The following SBF2 variants were observed in gnomAD, a reference collection of about 807,000 sequenced individuals.
SBF2 encodes the protein myotubularin-related protein 13.
SBF2 carries 112 observed loss-of-function variants against 225.2 expected under a neutral mutation model. The ratio of observed to expected loss-of-function variants is 0.50; its 90% CI spans 0.43 to 0.58. SBF2 has a LOEUF of 0.58. Among genes scored for constraint, SBF2 ranks in the 20% least tolerant of loss-of-function variants. SBF2 has a pLI of 0.00. For missense variants in SBF2, 1,996 were observed against 2,206.2 expected, an observed-to-expected ratio of 0.90 and a Z score of 1.91; for synonymous variants, 763 against 773.3, an observed-to-expected ratio of 0.99 and a Z score of 0.22.
intron 1 of SBF2, among the ~76,000 whole-genome samples, chr11:10,211,131 T>C (rs1957933265): frequency 6.6e-6 from 1 of 151,424 alleles, no homozygotes; most frequent in South Asian, 2.1e-4. Flanking sequence ...AACACTGCTA[T>C]GCATGCTCAT....
At chr11:9,788,610 ACT>A (rs1852528213) in intron 35 of SBF2, among the ~76,000 whole-genome samples, 5 of 85,322 alleles carry the variant, frequency 5.9e-5, no homozygotes, top group Non-Finnish European at 9.5e-5. Context: ...TTTTTTTTTT[ACT>A]GAGACGGAGT....
chr11:9,843,630 A>G (rs1856328176), intron 24 of SBF2, among the ~76,000 whole-genome samples: 1 of 152,196 alleles, frequency 6.6e-6, no homozygotes, highest in Non-Finnish European at 1.5e-5. Context: ...ATTCAGTAAA[A>G]AGTGATAAGG....
intron 1 of SBF2, among the ~76,000 whole-genome samples, chr11:10,223,399 TTATATATATA>T (rs3074175): frequency 0.022 from 1,320 of 59,254 alleles, 47 homozygotes; most frequent in East Asian, 0.16. Context: ...ATTTTGCACA[TTATATATATA>T]TATATATATA....
chr11:9,818,033 C>T (rs1429596703), intron 28 of SBF2, among the ~76,000 whole-genome samples: 1 of 152,178 alleles, frequency 6.6e-6, no homozygotes, highest in Non-Finnish European at 1.5e-5. Flanking sequence ...ACAACCTCCA[C>T]CTCCTGGGTT....
intron 1 of SBF2, among the ~76,000 whole-genome samples, chr11:10,278,750 A>T (rs900617446): frequency 1.3e-5 from 2 of 149,614 alleles, no homozygotes; most frequent in African/African-American, 4.9e-5. Context: ...GCCCCATTGC[A>T]CTCCAGCCTG....
chr11:10,061,666 C>G (rs1392566658), intron 2 of SBF2, among the ~76,000 whole-genome samples: 1 of 152,010 alleles, frequency 6.6e-6, no homozygotes, highest in Non-Finnish European at 1.5e-5. Flanking sequence ...ATGAGAATTA[C>G]AAAACACTGC....
chr11:10,143,486 G>C (rs1407975189), intron 2 of SBF2, among the ~76,000 whole-genome samples: 1 of 152,128 alleles, frequency 6.6e-6, no homozygotes, highest in Non-Finnish European at 1.5e-5. Flanking sequence ...GGAGAAACCA[G>C]CTGGCTCTGT....
At chr11:10,265,122 G>C (rs1961843844) in intron 1 of SBF2, among the ~76,000 whole-genome samples, 1 of 152,052 alleles carries the variant, frequency 6.6e-6, no homozygotes. Flanking sequence ...AGGTCAAATG[G>C]TATTTCTAGT....
intron 17 of SBF2, among the ~76,000 whole-genome samples, chr11:9,865,919 T>C (rs563387777): frequency 2.6e-5 from 4 of 152,206 alleles, no homozygotes; most frequent in African/African-American, 4.8e-5. Flanking sequence ...TTTCTGTTAA[T>C]AGACATTTGT....
chr11:9,984,967 A>G (rs1947131513), intron 13 of SBF2, among the ~76,000 whole-genome samples: 1 of 152,360 alleles, frequency 6.6e-6, no homozygotes, highest in Admixed American at 6.5e-5. Context: ...AAACATATCA[A>G]AACAGAACCT....
At chr11:10,217,699 C>T (rs544015774) in intron 1 of SBF2, among the ~76,000 whole-genome samples, 1 of 151,980 alleles carries the variant, frequency 6.6e-6, no homozygotes, top group Non-Finnish European at 1.5e-5. Flanking sequence ...AAACTCTAAG[C>T]CTTAGAGAGG....
intron 1 of SBF2, among the ~76,000 whole-genome samples, chr11:10,246,622 T>A (rs559763021): frequency 2.2e-4 from 34 of 152,276 alleles, no homozygotes; most frequent in Admixed American, 1.3e-3. Context: ...CAATCATATG[T>A]CAATTGATAT....
chr11:10,060,093 T>G (rs548452693), intron 2 of SBF2, among the ~76,000 whole-genome samples: 1 of 151,972 alleles, frequency 6.6e-6, no homozygotes, highest in Non-Finnish European at 1.5e-5. Flanking sequence ...AATCCAGGAA[T>G]TGGCTTTTTG....
intron 16 of SBF2, among the ~76,000 whole-genome samples, chr11:9,937,725 C>T (rs118124467): frequency 8.1e-4 from 123 of 151,666 alleles, no homozygotes; most frequent in Non-Finnish European, 1.4e-3. Context: ...ACCCAAGAAA[C>T]TAATAAAAAA....
Position 9,993,771 on chromosome 11 carries a change from A to G in SBF2, c.1053+150T>C, listed in dbSNP as rs1947543844. 3 of 758,150 alleles carry G rather than the reference A, an allele frequency of 4.0e-6. No individual in the cohort carries two copies. In the Admixed American group the frequency reaches 7.7e-5, roughly 19 times the overall value. The allele number at this position is 758,150 out of a possible 1,614,324, so 47.0% of individuals were successfully genotyped here. A position where few individuals can be genotyped will look rare whatever the true frequency, so the allele number is the denominator to read the frequency against. On this transcript the variant is annotated intron_variant, in intron 10 of 39. Coordinates refer to ENST00000256190, the MANE Select transcript of SBF2 (RefSeq NM_030962.4). The stretch of plus-strand genomic sequence containing the variant: ...TCCTCCTTGAGCAGGACATAAGGAC[A>G]GTCAGCGGCAAGTATCCTAATTTCT...
intron 16 of SBF2, among the ~76,000 whole-genome samples, chr11:9,953,367 T>C (rs1865970760): frequency 6.6e-6 from 1 of 151,656 alleles, no homozygotes; most frequent in South Asian, 2.1e-4. Context: ...TGCTTAAACC[T>C]GGGAGGCAGA....
chr11:10,150,378 G>C (rs1397338348), intron 2 of SBF2, among the ~76,000 whole-genome samples: 1 of 151,948 alleles, frequency 6.6e-6, no homozygotes, highest in Non-Finnish European at 1.5e-5. Flanking sequence ...TACTTTTTCA[G>C]GGGCGAAACA....
chr11:10,147,174 G>A (rs926160530), intron 2 of SBF2, among the ~76,000 whole-genome samples: 2 of 152,042 alleles, frequency 1.3e-5, no homozygotes, highest in African/African-American at 4.8e-5. Context: ...TCCTCAAAGA[G>A]CTAAAAGCAG....
chr11:10,180,001 T>TAAA (rs1211127827), intron 2 of SBF2, among the ~76,000 whole-genome samples: 1 of 152,228 alleles, frequency 6.6e-6, no homozygotes, highest in Non-Finnish European at 1.5e-5. Flanking sequence ...CTCTATACTT[T>TAAA]AACTTTGTTC....
Sources: allele counts gnomAD v4.1 joint callset (sites outside exome capture counted in the v4.1 genomes callset), GRCh38; gene constraint gnomAD v4.1.1; transcripts MANE v1.5; gene names NCBI Gene and HGNC (gene_info 2026-07-23, HGNC 2026-07-21).